Variants in SMOC2 observed in about 807,000 individuals in gnomAD.
The protein encoded by SMOC2 is SPARC-related modular calcium-binding protein 2.
SMOC2 carries 39 observed loss-of-function variants against 61.4 expected under a neutral mutation model. That is an observed-to-expected ratio of 0.64 (90% CI 0.49 to 0.83). The LOEUF is 0.83. Ranked by LOEUF, SMOC2 falls within the 40% of genes least tolerant of loss-of-function variation. SMOC2 has a pLI of 0.00. For missense variants in SMOC2, 556 were observed against 592.9 expected, an observed-to-expected ratio of 0.94 and a Z score of 0.65; for synonymous variants, 247 against 239.9, an observed-to-expected ratio of 1.03 and a Z score of -0.27.
intron 2 of SMOC2, among the ~76,000 whole-genome samples, chr6:168,514,785 G>A (rs532088275): frequency 2.0e-5 from 3 of 152,266 alleles, no homozygotes; most frequent in East Asian, 3.9e-4. Flanking sequence ...AACTCCAGTC[G>A]GATGTGCCAT....
At chr6:168,567,783 A>C (rs1169092924) in intron 7 of SMOC2, among the ~76,000 whole-genome samples, 1 of 152,224 alleles carries the variant, frequency 6.6e-6, no homozygotes, top group Non-Finnish European at 1.5e-5. Context: ...TCGGTGTCTC[A>C]CATTAGAATT....
chr6:168,640,880 C>T (rs574825286), intron 9 of SMOC2, among the ~76,000 whole-genome samples: 1 of 152,238 alleles, frequency 6.6e-6, no homozygotes, highest in Non-Finnish European at 1.5e-5. Context: ...TGAGCCTGAA[C>T]ATCTGGACAC....
intron 1 of SMOC2, among the ~76,000 whole-genome samples, chr6:168,445,069 G>A (rs1301103920): frequency 6.6e-6 from 1 of 152,148 alleles, no homozygotes; most frequent in African/African-American, 2.4e-5. Flanking sequence ...TAAAGGTACC[G>A]TTGTCTCCAC....
intron 7 of SMOC2, among the ~76,000 whole-genome samples, chr6:168,570,251 C>T (rs1000881852): frequency 5.3e-5 from 8 of 152,040 alleles, no homozygotes; most frequent in African/African-American, 1.4e-4. Flanking sequence ...CTAGAAAAAA[C>T]GTCAAAGAAG....
At chr6:168,652,861 C>T (rs1225969235) in intron 10 of SMOC2, 93 bp from the exon 11 acceptor site, 2 of 1,212,182 alleles carry the variant, frequency 1.6e-6, no homozygotes, top group Admixed American at 4.4e-5. Flanking sequence ...ATGAGAACTA[C>T]AAGCAGGGGT....
intron 2 of SMOC2, among the ~76,000 whole-genome samples, chr6:168,524,631 C>CA (rs1783411778): frequency 6.6e-6 from 1 of 152,218 alleles, no homozygotes; most frequent in African/African-American, 2.4e-5. Flanking sequence ...TTTAGACAGT[C>CA]AAAACCACAG....
intron 7 of SMOC2, among the ~76,000 whole-genome samples, chr6:168,573,622 GAGC>G (rs1025665165): frequency 6.6e-6 from 1 of 152,134 alleles, no homozygotes; most frequent in Non-Finnish European, 1.5e-5. Flanking sequence ...ACAGGGCAGA[GAGC>G]AGCATGCATG....
intron 7 of SMOC2, among the ~76,000 whole-genome samples, chr6:168,556,811 C>T (rs1784264181): frequency 7.5e-6 from 1 of 132,846 alleles, no homozygotes. Context: ...TCTCATTGTT[C>T]TGTTAGGTTT....
intron 9 of SMOC2, among the ~76,000 whole-genome samples, chr6:168,629,168 A>G (rs770386407): frequency 1.2e-4 from 19 of 152,202 alleles, no homozygotes; most frequent in South Asian, 8.3e-4. Context: ...TGTGCACACA[A>G]TGTGTGACAC....
chr6:168,628,575 A>C (rs1406437054), intron 9 of SMOC2, among the ~76,000 whole-genome samples: 1 of 152,210 alleles, frequency 6.6e-6, no homozygotes, highest in East Asian at 1.9e-4. Flanking sequence ...TGGAAAATGC[A>C]AAACTCGCAG....
At chr6:168,653,609 C>A (rs1420817637) in intron 11 of SMOC2, among the ~76,000 whole-genome samples, 1 of 150,664 alleles carries the variant, frequency 6.6e-6, no homozygotes, top group Non-Finnish European at 1.5e-5. Flanking sequence ...CTCACCAACC[C>A]TGCTCCTGAG....
chr6:168,600,313 A>C (rs1415159110), intron 8 of SMOC2, among the ~76,000 whole-genome samples: 2 of 149,436 alleles, frequency 1.3e-5, no homozygotes, highest in African/African-American at 4.9e-5. Context: ...AGGCTGAGGC[A>C]GGAGAATTGC....
At position 168,664,055 on chromosome 6, in the gene SMOC2, CT is replaced by C. The variant is rs201253041; in HGVS notation, c.1286-9del. 2,512 of 1,401,104 alleles carry C rather than the reference CT, an allele frequency of 1.8e-3. No individual in the cohort carries two copies. Among genetic ancestry groups the C allele is most frequent in the Middle Eastern group, 3.4e-3 (15 of 4,420 alleles). 86.8% of individuals were successfully genotyped at this position (1,401,104 alleles called of 1,614,324 possible). ...ATGAGTCTCTGATTTTTAATAATATCTTTTTTTTTTCCTGCTAGCCCCCAGA... is the reference window on the plus strand; with the variant it reads ...ATGAGTCTCTGATTTTTAATAATATCTTTTTTTTTCCTGCTAGCCCCCAGA... On this transcript the variant is annotated intron_variant, in intron 11 of 12. Coordinates refer to ENST00000356284, the MANE Select transcript of SMOC2 (RefSeq NM_001166412.2).
At chr6:168,628,652 CTT>C (rs1342991604) in intron 9 of SMOC2, among the ~76,000 whole-genome samples, 1 of 152,244 alleles carries the variant, frequency 6.6e-6, no homozygotes, top group African/African-American at 2.4e-5. Context: ...ACGTCTCACT[CTT>C]GTCTGCCTAT....
At chr6:168,625,508 T>C (rs887302985) in intron 9 of SMOC2, among the ~76,000 whole-genome samples, 11 of 152,236 alleles carry the variant, frequency 7.2e-5, no homozygotes, top group Admixed American at 5.2e-4. Context: ...CTTTTTATCG[T>C]AACATTTGCT....
rs147637517 is a variant in SMOC2, at chr6:168,650,739, G to C, written c.966G>C (p.Thr322=). The C allele has an allele frequency of 2.5e-6, 4 of 1,613,490 alleles. No homozygotes were observed. Among genetic ancestry groups the C allele is most frequent in the South Asian group, 1.1e-5 (1 of 91,048 alleles). The change falls in exon 10 of 13, where the codon ACG becomes ACC. Residue 322 remains threonine, a synonymous_variant. Transcript: ENST00000356284. ...CCAGCGTTCTGGACGCGCTGTCCAC[G>C]GACATGGTCCACGCCGCCTCCGACC... ...FLTSVLDALS[T]DMVHAASDPS...
intron 1 of SMOC2, among the ~76,000 whole-genome samples, chr6:168,499,242 T>C (rs555305056): frequency 2.6e-4 from 39 of 152,356 alleles, no homozygotes; most frequent in Middle Eastern, 3.4e-3. Context: ...GAGACGGTGC[T>C]GCATGCTGCC....
intron 7 of SMOC2, among the ~76,000 whole-genome samples, chr6:168,595,669 A>G (rs936272423): frequency 7.2e-5 from 11 of 152,082 alleles, no homozygotes; most frequent in East Asian, 3.9e-4. Flanking sequence ...CAGGTTTATC[A>G]GGTAAAATTG....
intron 1 of SMOC2, among the ~76,000 whole-genome samples, chr6:168,495,517 A>C (rs1476564965): frequency 2.0e-5 from 3 of 151,982 alleles, no homozygotes; most frequent in East Asian, 3.9e-4. Context: ...TGCTGTGAGC[A>C]CCTCCCGAAC....
Sources: allele counts gnomAD v4.1 joint callset (sites outside exome capture counted in the v4.1 genomes callset), GRCh38; gene constraint gnomAD v4.1.1; transcripts MANE v1.5; gene names NCBI Gene and HGNC (gene_info 2026-07-23, HGNC 2026-07-21).